Variants in LEMD1 observed in about 807,000 individuals in gnomAD.
LEMD1 encodes LEM domain-containing protein 1.
Under a neutral mutation model 17.4 loss-of-function variants are expected in LEMD1, and 18 were observed. That is an observed-to-expected ratio of 1.04 (90% CI 0.72 to 1.54). The LOEUF is 1.54. LEMD1 is among the 40% of genes most tolerant of loss of function. The pLI, the probability that LEMD1 is intolerant of heterozygous loss-of-function variation, is 0.00. For missense variants in LEMD1, 195 were observed against 210.4 expected, an observed-to-expected ratio of 0.93 and a Z score of 0.45; for synonymous variants, 88 against 77.8, an observed-to-expected ratio of 1.13 and a Z score of -0.69.
intron 4 of LEMD1, among the ~76,000 whole-genome samples, chr1:205,395,838 G>A (rs1468597296): frequency 6.6e-6 from 1 of 151,924 alleles, no homozygotes; most frequent in East Asian, 1.9e-4. Context: ...ACATGAATAG[G>A]CATTTCACAG....
chr1:205,417,361 G>A (rs1665740189), intron 3 of LEMD1, among the ~76,000 whole-genome samples: 2 of 152,210 alleles, frequency 1.3e-5, no homozygotes, highest in African/African-American at 4.8e-5. Context: ...TACATGCTGG[G>A]ACCCAGGACG....
At chr1:205,397,893 A>T (rs554354130) in intron 4 of LEMD1, among the ~76,000 whole-genome samples, 1 of 152,330 alleles carries the variant, frequency 6.6e-6, no homozygotes, top group South Asian at 2.1e-4. Context: ...CTCATAACTC[A>T]GTTTTATGAA....
upstream of LEMD1, among the ~76,000 whole-genome samples, chr1:205,425,461 C>T (rs1278416878): frequency 2.6e-5 from 4 of 152,164 alleles, no homozygotes; most frequent in African/African-American, 4.8e-5. Context: ...AAATTCACCA[C>T]GGATCATCCG....
chr1:205,399,204 G>A (rs1232503242), intron 4 of LEMD1, among the ~76,000 whole-genome samples: 1 of 141,002 alleles, frequency 7.1e-6, no homozygotes, highest in East Asian at 2.1e-4. Context: ...AACAGAGCGA[G>A]ACTCCATCTA....
intron 3 of LEMD1, among the ~76,000 whole-genome samples, chr1:205,418,469 A>G (rs1409709877): frequency 6.6e-6 from 1 of 152,158 alleles, no homozygotes; most frequent in African/African-American, 2.4e-5. Flanking sequence ...GTTGTCATAT[A>G]AATCAGGAGG....
At chr1:205,393,418 G>A (rs1400027970) in intron 4 of LEMD1, among the ~76,000 whole-genome samples, 1 of 151,812 alleles carries the variant, frequency 6.6e-6, no homozygotes, top group Non-Finnish European at 1.5e-5. Context: ...GCTCACACCT[G>A]TAATCCCAGC....
rs78700829 is a variant in LEMD1 at position 205,428,467 on chromosome 1, A to G, written c.-38-7893T>C. On this transcript the variant is annotated intron_variant, in intron 1 of 3. Transcript: ENST00000367154. ...CTTTGCACTAATTTTGGTGCTATGAATACAAGGTTAAATAAAGCAAACGAG... is the reference window on the plus strand; with the variant it reads ...CTTTGCACTAATTTTGGTGCTATGAGTACAAGGTTAAATAAAGCAAACGAG... Among the ~76,000 whole-genome samples, 1,251 of 152,302 alleles carry G rather than the reference A, an allele frequency of 8.2e-3. 21 individuals carry two copies. The highest frequency in any genetic ancestry group is 0.028 in the African/African-American group (1,180 of 41,552).
At chr1:205,419,842 C>G (rs1458340478) in intron 2 of LEMD1, among the ~76,000 whole-genome samples, 2 of 152,170 alleles carry the variant, frequency 1.3e-5, no homozygotes, top group Admixed American at 1.3e-4. Flanking sequence ...TAGGTGATAC[C>G]TGTATGGATT....
intron 4 of LEMD1, among the ~76,000 whole-genome samples, chr1:205,389,578 C>T (rs997420878): frequency 2.0e-5 from 3 of 152,174 alleles, no homozygotes; most frequent in African/African-American, 7.2e-5. Flanking sequence ...CTCCTTACCG[C>T]TGGACTTGGA....
intron 3 of LEMD1, among the ~76,000 whole-genome samples, chr1:205,417,899 T>C (rs1308650283): frequency 1.3e-5 from 2 of 151,626 alleles, no homozygotes; most frequent in Non-Finnish European, 2.9e-5. Flanking sequence ...ATGTAGGGTA[T>C]GGAGTGGAAA....
chr1:205,392,253 A>C (rs1026422538), intron 4 of LEMD1, among the ~76,000 whole-genome samples: 15 of 152,244 alleles, frequency 9.9e-5, no homozygotes, highest in Admixed American at 2.6e-4. Context: ...GAACAATATG[A>C]ACATGTTTGA....
At chr1:205,415,021 G>C (rs1380157343) in intron 4 of LEMD1, among the ~76,000 whole-genome samples, 1 of 152,164 alleles carries the variant, frequency 6.6e-6, no homozygotes, top group Non-Finnish European at 1.5e-5. Flanking sequence ...GCTGCAGGGA[G>C]GGGGCAGTCC....
chr1:205,432,783 A>C (rs1327971833), intron 1 of LEMD1, among the ~76,000 whole-genome samples: 4 of 151,978 alleles, frequency 2.6e-5, no homozygotes, highest in Non-Finnish European at 5.9e-5. Context: ...CCAAGGCAGG[A>C]GGATAGCTTC....
At chr1:205,400,427 C>G (rs554279827) in intron 4 of LEMD1, among the ~76,000 whole-genome samples, 1 of 152,314 alleles carries the variant, frequency 6.6e-6, no homozygotes, top group Non-Finnish European at 1.5e-5. Context: ...GACACAGTGA[C>G]ATTGTTTGTC....
chr1:205,396,063 A>G (rs1664577817), intron 4 of LEMD1, among the ~76,000 whole-genome samples: 1 of 152,176 alleles, frequency 6.6e-6, no homozygotes, highest in African/African-American at 2.4e-5. Context: ...GCTAGAATGC[A>G]GTGGCAGGAT....
At chr1:205,384,746 A>G (rs1663906160) in intron 4 of LEMD1, among the ~76,000 whole-genome samples, 2 of 152,224 alleles carry the variant, frequency 1.3e-5, no homozygotes, top group Non-Finnish European at 2.9e-5. Flanking sequence ...TAACAAAGCA[A>G]GTTGACTATG....
intron 3 of LEMD1, among the ~76,000 whole-genome samples, chr1:205,418,338 T>G (rs1271712089): frequency 6.6e-6 from 1 of 152,146 alleles, no homozygotes; most frequent in African/African-American, 2.4e-5. Context: ...TCCCTGAAGC[T>G]AGAAACCACT....
At chr1:205,390,741 A>T (rs1304284880) in intron 4 of LEMD1, among the ~76,000 whole-genome samples, 1 of 152,256 alleles carries the variant, frequency 6.6e-6, no homozygotes, top group Admixed American at 6.5e-5. Flanking sequence ...ATGGAGCAAA[A>T]ATTAAAAGCC....
intron 5 of LEMD1, among the ~76,000 whole-genome samples, chr1:205,383,639 CT>C (rs1170166649): frequency 1.3e-3 from 158 of 118,424 alleles, no homozygotes; most frequent in South Asian, 7.2e-3. Flanking sequence ...TTTCTTTTTT[CT>C]TTTTTTTTTT....
Sources: allele counts gnomAD v4.1 joint callset (sites outside exome capture counted in the v4.1 genomes callset), GRCh38; gene constraint gnomAD v4.1.1; transcripts MANE v1.5; gene names NCBI Gene and HGNC (gene_info 2026-07-23, HGNC 2026-07-21).